Variants in TAF3 observed in about 807,000 individuals in gnomAD.
TAF3 encodes transcription initiation factor TFIID subunit 3.
A neutral mutation model predicts 80.6 loss-of-function variants in TAF3; 7 were observed. That is an observed-to-expected ratio of 0.09 (90% CI 0.05 to 0.16). TAF3 has a LOEUF of 0.16. TAF3 is among the 10% of genes least tolerant of loss of function. TAF3 has a pLI of 1.00. For missense variants in TAF3, 921 were observed against 1,140.2 expected (o/e 0.81, Z 2.77); for synonymous variants, 444 against 446.1 (o/e 1.00, Z 0.06).
chr10:7,914,319 A>G (rs983444967), intron 2 of TAF3, among the ~76,000 whole-genome samples: 26 of 152,222 alleles, frequency 1.7e-4, no homozygotes, highest in African/African-American at 6.3e-4. Flanking sequence ...TCCTTCAAGT[A>G]TTGGCTTATG....
In TAF3 at chr10:7,872,540, A is replaced by G. The variant is rs564889087; in HGVS notation, c.409+47980A>G. ...TTAGGTGCTCTGAGCAAATTACTCA[A>G]TGGGGAACGTTTAAAACTCCTGGTT... On this transcript the variant is annotated intron_variant, in intron 2 of 6. Transcript: ENST00000344293. Among the ~76,000 whole-genome samples the G allele has an allele frequency of 6.9e-4, 105 of 152,212 alleles. 1 individual carries two copies. The highest frequency in any genetic ancestry group is 9.6e-4 in the Non-Finnish European group (65 of 68,032).
chr10:7,876,849 A>G (rs1837316968), intron 2 of TAF3, among the ~76,000 whole-genome samples: 1 of 152,138 alleles, frequency 6.6e-6, no homozygotes, highest in African/African-American at 2.4e-5. Flanking sequence ...TGGGAAGTGC[A>G]TGATTCTTCC....
chr10:7,865,323 C>CA (rs1419707624), intron 2 of TAF3, among the ~76,000 whole-genome samples: 15 of 151,992 alleles, frequency 9.9e-5, no homozygotes, highest in East Asian at 1.9e-4. Context: ...CTAAAAAATA[C>CA]AAAAAATTAG....
At chr10:7,898,421 C>T (rs182263360) in intron 2 of TAF3, among the ~76,000 whole-genome samples, 521 of 152,180 alleles carry the variant, frequency 3.4e-3, no homozygotes, top group Non-Finnish European at 5.5e-3. Context: ...TGGCGGGTGC[C>T]TGTAATCCCA....
chr10:7,832,425 CAGTA>C (rs1345092092), intron 2 of TAF3, among the ~76,000 whole-genome samples: 1 of 152,058 alleles, frequency 6.6e-6, no homozygotes, highest in Non-Finnish European at 1.5e-5. Flanking sequence ...TATGGGTACA[CAGTA>C]AGTATAAATA....
intron 3 of TAF3, among the ~76,000 whole-genome samples, chr10:7,970,589 G>A (rs1831612773): frequency 6.6e-6 from 1 of 152,182 alleles, no homozygotes; most frequent in South Asian, 2.1e-4. Context: ...GATGCTTGAT[G>A]GCAAGGGCAC....
chr10:7,990,998 C>T (rs1831828112), intron 4 of TAF3, among the ~76,000 whole-genome samples: 1 of 152,186 alleles, frequency 6.6e-6, no homozygotes, highest in Non-Finnish European at 1.5e-5. Context: ...TCTCAGATGC[C>T]TTCAACCCTT....
intron 2 of TAF3, among the ~76,000 whole-genome samples, chr10:7,930,981 C>G (rs1837863167): frequency 6.6e-6 from 1 of 152,130 alleles, no homozygotes; most frequent in Non-Finnish European, 1.5e-5. Flanking sequence ...GTGCTGCACA[C>G]TATAAATAGA....
At chr10:7,978,273 GA>G (rs1217524809) in intron 4 of TAF3, among the ~76,000 whole-genome samples, 1 of 152,170 alleles carries the variant, frequency 6.6e-6, no homozygotes, top group Non-Finnish European at 1.5e-5. Context: ...AGAGAGGACA[GA>G]AAATTTGCTT....
At position 8,015,377 on chromosome 10, in the gene TAF3, C is replaced by A. The variant is rs1415890371; in HGVS notation, c.*626C>A. On this transcript the variant is annotated 3_prime_UTR_variant, in exon 7 of 7. Coordinates refer to ENST00000344293, the MANE Select transcript of TAF3 (RefSeq NM_031923.4). ...CTATCATGTCCTGTTTGCTTTTGTG[C>A]AAATTATTTTTGTTTAATGTATTTT... 6.6e-6 allele frequency: 1 copy of A among 152,068 alleles called. No individual in the cohort carries two copies. The highest frequency in any genetic ancestry group is 1.5e-5 in the Non-Finnish European group (1 of 68,010). The allele number at this position is 152,068 out of a possible 1,614,324, so 9.4% of individuals were successfully genotyped here. A position where few individuals can be genotyped will look rare whatever the true frequency, so the allele number is the denominator to read the frequency against.
At chr10:7,943,002 C>G (rs1401036576) in intron 2 of TAF3, among the ~76,000 whole-genome samples, 1 of 152,214 alleles carries the variant, frequency 6.6e-6, no homozygotes, top group Admixed American at 6.5e-5. Flanking sequence ...GTCATCTCTC[C>G]TGAGTTGCTA....
At chr10:7,971,495 T>TA (rs1220291411) in intron 3 of TAF3, among the ~76,000 whole-genome samples, 2 of 150,768 alleles carry the variant, frequency 1.3e-5, no homozygotes, top group African/African-American at 4.9e-5. Flanking sequence ...ATTAAAAGAA[T>TA]AAAAAAATAA....
At chr10:7,869,847 A>G (rs1837248367) in intron 2 of TAF3, among the ~76,000 whole-genome samples, 1 of 152,198 alleles carries the variant, frequency 6.6e-6, no homozygotes, top group African/African-American at 2.4e-5. Flanking sequence ...TTACCAATGA[A>G]TATATTTATG....
At chr10:7,872,298 A>G (rs527707014) in intron 2 of TAF3, among the ~76,000 whole-genome samples, 12 of 150,038 alleles carry the variant, frequency 8.0e-5, no homozygotes, top group Non-Finnish European at 1.5e-4. Flanking sequence ...TTTAAAAGCA[A>G]TGTTCTCTGT....
chr10:7,959,250 A>T (rs1215897611), intron 2 of TAF3, among the ~76,000 whole-genome samples: 1 of 152,346 alleles, frequency 6.6e-6, no homozygotes, highest in African/African-American at 2.4e-5. Flanking sequence ...TTCTTATAAA[A>T]TCTTAAGTAA....
chr10:7,973,006 G>A (rs1180974017), intron 3 of TAF3, among the ~76,000 whole-genome samples: 1 of 152,164 alleles, frequency 6.6e-6, no homozygotes, highest in Non-Finnish European at 1.5e-5. Flanking sequence ...GGAGCAGTAG[G>A]GTGAACAGGG....
chr10:7,898,489 T>G (rs1837527359), intron 2 of TAF3, among the ~76,000 whole-genome samples: 1 of 143,868 alleles, frequency 7.0e-6, no homozygotes, highest in Non-Finnish European at 1.5e-5. Flanking sequence ...GAGGTTGCAG[T>G]GAGCCTAGAT....
At chr10:7,927,045 A>G (rs1019869635) in intron 2 of TAF3, among the ~76,000 whole-genome samples, 18 of 152,220 alleles carry the variant, frequency 1.2e-4, no homozygotes, top group African/African-American at 3.9e-4. Context: ...CGATAAGATC[A>G]TGACAGTGGG....
At chr10:7,842,956 G>A (rs1447871979) in intron 2 of TAF3, among the ~76,000 whole-genome samples, 3 of 152,162 alleles carry the variant, frequency 2.0e-5, no homozygotes, top group Admixed American at 2.0e-4. Flanking sequence ...ATATGCATTT[G>A]CAATAATATC....
Sources: allele counts gnomAD v4.1 joint callset (sites outside exome capture counted in the v4.1 genomes callset), GRCh38; gene constraint gnomAD v4.1.1; transcripts MANE v1.5; gene names NCBI Gene and HGNC (gene_info 2026-07-23, HGNC 2026-07-21).